The following KCNIP4 variants were observed in gnomAD, a reference collection of about 807,000 sequenced individuals.
The protein encoded by KCNIP4 is potassium voltage-gated channel interacting protein 4.
In KCNIP4, 12 loss-of-function variants were observed where a neutral mutation model predicts 34.0. The observed-to-expected ratio is 0.35, with a 90% CI of 0.23 to 0.57. The LOEUF (loss-of-function observed/expected upper bound fraction) is 0.57. Among genes scored for constraint, KCNIP4 ranks in the 20% least tolerant of loss-of-function variants. The pLI is 0.83. For synonymous variants in KCNIP4, 124 were observed against 102.2 expected (o/e 1.21, Z -1.29); for missense variants, 238 against 311.7 (o/e 0.76, Z 1.78).
At chr4:20,990,042 G>T (rs1736949634) in intron 1 of KCNIP4, among the ~76,000 whole-genome samples, 1 of 152,198 alleles carries the variant, frequency 6.6e-6, no homozygotes, top group Admixed American at 6.5e-5. Context: ...CGAGAAAAAT[G>T]AGATTGGATA....
chr4:21,304,057 G>GAGAGAGAGAGAGAGAGAGAGAC (rs1712091447), intron 1 of KCNIP4: 1 of 500,756 alleles, frequency 2.0e-6, no homozygotes, highest in Non-Finnish European at 2.5e-6. Flanking sequence ...GAGAGAGAGA[G>GAGAGAGAGAGAGAGAGAGAGAC]AGAGAGAGAG....
chr4:21,574,379 T>C (rs940880334), intron 1 of KCNIP4, among the ~76,000 whole-genome samples: 4 of 151,696 alleles, frequency 2.6e-5, no homozygotes, highest in Admixed American at 6.6e-5. Flanking sequence ...TCAAAGAGAG[T>C]GTTCTATATT....
intron 3 of KCNIP4, among the ~76,000 whole-genome samples, chr4:20,803,198 TA>T (rs1372204962): frequency 2.0e-5 from 3 of 149,608 alleles, no homozygotes; most frequent in Non-Finnish European, 3.0e-5. Flanking sequence ...ATGCCTACAT[TA>T]AAAAAAGAAG....
chr4:21,704,732 A>C (rs989055114), intron 1 of KCNIP4, among the ~76,000 whole-genome samples: 1 of 152,188 alleles, frequency 6.6e-6, no homozygotes, highest in East Asian at 1.9e-4. Context: ...TGGCAAGGAC[A>C]CAGAAAAACT....
At chr4:21,710,015 C>T (rs1028415419) in intron 1 of KCNIP4, among the ~76,000 whole-genome samples, 1 of 152,224 alleles carries the variant, frequency 6.6e-6, no homozygotes, top group Admixed American at 6.5e-5. Flanking sequence ...GGAGGGCCCA[C>T]ATTGGCATGC....
At chr4:20,872,573 G>A (rs1022759358) in intron 2 of KCNIP4, among the ~76,000 whole-genome samples, 11 of 152,066 alleles carry the variant, frequency 7.2e-5, no homozygotes, top group East Asian at 5.8e-4. Context: ...CAGACTCATC[G>A]ACCAGACTCA....
chr4:21,522,052 C>T (rs923907313), intron 1 of KCNIP4, among the ~76,000 whole-genome samples: 3 of 152,142 alleles, frequency 2.0e-5, no homozygotes, highest in African/African-American at 7.2e-5. Flanking sequence ...ACACTAATTA[C>T]TTCAACATGT....
chr4:21,103,295 T>C (rs1396238174), intron 1 of KCNIP4, among the ~76,000 whole-genome samples: 1 of 146,856 alleles, frequency 6.8e-6, no homozygotes, highest in African/African-American at 2.5e-5. Context: ...CATGACATTA[T>C]ATATATAACA....
chr4:21,917,119 C>G (rs527305890), intron 1 of KCNIP4, among the ~76,000 whole-genome samples: 1 of 147,244 alleles, frequency 6.8e-6, no homozygotes, highest in African/African-American at 2.4e-5. Flanking sequence ...TTATTTAGTA[C>G]AGTTTTGTTT....
intron 1 of KCNIP4, among the ~76,000 whole-genome samples, chr4:21,906,863 G>T (rs967176475): frequency 6.6e-6 from 1 of 152,044 alleles, no homozygotes; most frequent in Non-Finnish European, 1.5e-5. Context: ...GTATCATTTA[G>T]AATATGTTAC....
chr4:20,931,176 TACACACACACACAC>T (rs113547133), intron 1 of KCNIP4, among the ~76,000 whole-genome samples: 1 of 149,014 alleles, frequency 6.7e-6, no homozygotes, highest in Non-Finnish European at 1.5e-5. Context: ...GACAATGTGG[TACACACACACACAC>T]ACACACAGAC....
At chr4:21,104,087 T>C (rs570722796) in intron 1 of KCNIP4, among the ~76,000 whole-genome samples, 3 of 152,238 alleles carry the variant, frequency 2.0e-5, no homozygotes, top group African/African-American at 7.2e-5. Flanking sequence ...TATAGTCCCT[T>C]GGGTATATGC....
intron 1 of KCNIP4, among the ~76,000 whole-genome samples, chr4:21,578,537 CTAAG>C (rs2109066448): frequency 6.6e-6 from 1 of 151,936 alleles, no homozygotes; most frequent in African/African-American, 2.4e-5. Context: ...ATAAGAGAGA[CTAAG>C]TAAGAAATTT....
At position 20,937,222 on chromosome 4, in the gene KCNIP4, C is replaced by CTTTTTTTTTTTTTTTTTT. The variant is rs397992488; in HGVS notation, c.62-54531_62-54514dup. Reference sequence around the variant, plus strand: ...TGAGCAAAAGGTGCCCCCAAGGAGTCTTTTTTTTTTTTTTTTTTTTTTTTT... The same window carrying CTTTTTTTTTTTTTTTTTT: ...TGAGCAAAAGGTGCCCCCAAGGAGTCTTTTTTTTTTTTTTTTTTTTTTTTTTTTTTTTTTTTTTTTTTT... On this transcript the variant is annotated intron_variant, in intron 1 of 8. Coordinates refer to ENST00000382152, the MANE Select transcript of KCNIP4 (RefSeq NM_025221.6). Among the ~76,000 whole-genome samples, 21 of 45,530 alleles carry CTTTTTTTTTTTTTTTTTT rather than the reference C, an allele frequency of 4.6e-4. 2 individuals are homozygous for CTTTTTTTTTTTTTTTTTT. Among genetic ancestry groups the CTTTTTTTTTTTTTTTTTT allele is most frequent in the Non-Finnish European group, 7.7e-4 (18 of 23,516 alleles). 29.9% of individuals were successfully genotyped at this position (45,530 alleles called of 152,430 possible). A position where few individuals can be genotyped will look rare whatever the true frequency, so the allele number is the denominator to read the frequency against.
Position 20,775,064 on chromosome 4 carries a change from C to T in KCNIP4, c.289-16174G>A, listed in dbSNP as rs190996866. 1.1e-3 allele frequency among the ~76,000 whole-genome samples: 171 copies of T among 152,178 alleles called. 1 individual carries two copies. Among genetic ancestry groups the T allele is most frequent in the Non-Finnish European group, 1.4e-3 (97 of 68,002 alleles). On this transcript the variant is annotated intron_variant, in intron 3 of 8. Coordinates refer to ENST00000382152, the MANE Select transcript of KCNIP4 (RefSeq NM_025221.6). ...CCTCTGGTTTATTATTTATTCAATA[C>T]GTAATTATTTAGCGTCTACTGTGTA...
intron 1 of KCNIP4, among the ~76,000 whole-genome samples, chr4:21,625,631 G>A (rs1006626786): frequency 1.3e-5 from 2 of 152,154 alleles, no homozygotes; most frequent in African/African-American, 4.8e-5. Context: ...GAGTAGCAGG[G>A]CCTGAACAAA....
chr4:20,994,377 G>C (rs1437246748), intron 1 of KCNIP4, among the ~76,000 whole-genome samples: 1 of 152,222 alleles, frequency 6.6e-6, no homozygotes. Flanking sequence ...GTGAGAATGA[G>C]TGTGTGTGTT....
rs556346060 is a variant in KCNIP4 at position 20,760,990 on chromosome 4, G to A, written c.289-2100C>T. Among the ~76,000 whole-genome samples the A allele has an allele frequency of 1.6e-3, 240 of 152,240 alleles. 1 individual carries two copies. Among genetic ancestry groups the A allele is most frequent in the Non-Finnish European group, 2.1e-3 (146 of 68,008 alleles). The stretch of plus-strand genomic sequence containing the variant: ...ATTTATTACATTGATGCAAAATTGC[G>A]GCTTTTGCTATTACTTTCAATACAT... On this transcript the variant is annotated intron_variant, in intron 3 of 8. Transcript: ENST00000382152.
At chr4:21,385,712 C>T (rs1721966044) in intron 1 of KCNIP4, among the ~76,000 whole-genome samples, 1 of 152,074 alleles carries the variant, frequency 6.6e-6, no homozygotes, top group South Asian at 2.1e-4. Flanking sequence ...TATCAAGGTA[C>T]TAGATTGTGG....
Sources: allele counts gnomAD v4.1 joint callset (sites outside exome capture counted in the v4.1 genomes callset), GRCh38; gene constraint gnomAD v4.1.1; transcripts MANE v1.5; gene names NCBI Gene and HGNC (gene_info 2026-07-23, HGNC 2026-07-21).